The following FOXN1 variants were observed in gnomAD, a reference collection of about 807,000 sequenced individuals.
FOXN1 encodes forkhead box N1, also known as forkhead box protein N1.
A neutral mutation model predicts 49.0 loss-of-function variants in FOXN1; 15 were observed. The observed-to-expected ratio is 0.31, with a 90% CI of 0.20 to 0.47. FOXN1 has a LOEUF of 0.47. Ranked by LOEUF, FOXN1 falls within the 20% of genes least tolerant of loss-of-function variation. The pLI is 1.00. For missense variants in FOXN1, 800 were observed against 842.8 expected, an observed-to-expected ratio of 0.95 and a Z score of 0.63; for synonymous variants, 356 against 369.0, an observed-to-expected ratio of 0.96 and a Z score of 0.40.
chr17:28,510,586 A>G lies in FOXN1; in HGVS notation c.-15+4143A>G, dbSNP rs946736440. Among the ~76,000 whole-genome samples, 385 of 88,014 alleles carry G rather than the reference A, an allele frequency of 4.4e-3. 1 individual carries two copies. Among genetic ancestry groups the G allele is most frequent in the South Asian group, 0.011 (36 of 3,280 alleles). 57.7% of individuals were successfully genotyped at this position (88,014 alleles called of 152,430 possible). ...CACACACACGCACACACACGCACACACACACACACACACACACACACACAC... is the reference window on the plus strand; with the variant it reads ...CACACACACGCACACACACGCACACGCACACACACACACACACACACACAC... On this transcript the variant is annotated intron_variant, in intron 1 of 8. Coordinates refer to ENST00000579795, the MANE Select transcript of FOXN1 (RefSeq NM_001369369.1).
chr17:28,524,112 G>T lies in FOXN1; in HGVS notation c.123+20G>T. The stretch of plus-strand genomic sequence containing the variant: ...CAGAGTGTAAGTACCCGGCATCTGG[G>T]CCTGGGTTTAGGCCAAGGCCTGCGG... On this transcript the variant is annotated intron_variant, in intron 2 of 8. Coordinates refer to ENST00000579795, the MANE Select transcript of FOXN1 (RefSeq NM_001369369.1). 6.4e-7 allele frequency: 1 copy of T among 1,574,592 alleles called. No homozygotes were observed. The highest frequency in any genetic ancestry group is 1.3e-5 in the African/African-American group (1 of 74,162).
chr17:28,526,211 C>G (rs921908131), intron 3 of FOXN1, among the ~76,000 whole-genome samples: 6 of 152,226 alleles, frequency 3.9e-5, no homozygotes, highest in Non-Finnish European at 8.8e-5. Context: ...GGGCATATTG[C>G]TTCCCCTCTT....
At chr17:28,532,081 T>C (rs945489732) in intron 6 of FOXN1, among the ~76,000 whole-genome samples, 2 of 151,924 alleles carry the variant, frequency 1.3e-5, no homozygotes, top group Non-Finnish European at 2.9e-5. Flanking sequence ...TTTTGGAGGG[T>C]CTTCTAGGGT....
Position 28,524,970 on chromosome 17 carries a change from G to A in FOXN1, c.588+3G>A. On this transcript the variant is annotated splice_donor_region_variant and intron_variant, in intron 3 of 8. Coordinates refer to ENST00000579795, the MANE Select transcript of FOXN1 (RefSeq NM_001369369.1). ...AGGAGCATGGCCCCCAAGTCCTGGT[G>A]AGTACTAGTGGCCAGCGAGTGTCCC... The A allele has an allele frequency of 1.9e-6, 3 of 1,598,258 alleles. No individual in the cohort carries two copies. Among genetic ancestry groups the A allele is most frequent in the Non-Finnish European group, 2.6e-6 (3 of 1,170,354 alleles).
chr17:28,519,596 T>G (rs926720291), intron 1 of FOXN1, among the ~76,000 whole-genome samples: 1 of 152,076 alleles, frequency 6.6e-6, no homozygotes, highest in African/African-American at 2.4e-5. Context: ...CCAGTTCCAG[T>G]GCTCCCTGAA....
chr17:28,523,785 T>C (rs938161322), intron 1 of FOXN1, among the ~76,000 whole-genome samples, 171 bp from the exon 2 acceptor site: 3 of 131,288 alleles, frequency 2.3e-5, no homozygotes. Flanking sequence ...TCTCTCTCGC[T>C]CTCTGGTTCT....
chr17:28,534,189 G>A lies in FOXN1; in HGVS notation c.928-142G>A. On this transcript the variant is annotated intron_variant, in intron 6 of 8. Transcript: ENST00000579795. This position sits in a 1 kb window ranked among gnomAD's most constrained non-coding sequence, Gnocchi z 4.1. ...CCAAAGGGTACCAAGCAAGGGATGG[G>A]TGCTGAGGAGGACAACAAGCCCCAG... is the stretch of plus-strand genomic sequence containing the variant. The A allele has an allele frequency of 8.4e-7, 1 of 1,184,408 alleles. No homozygotes were observed. The allele number at this position is 1,184,408 out of a possible 1,614,324, so 73.4% of individuals were successfully genotyped here. A position where few individuals can be genotyped will look rare whatever the true frequency, so the allele number is the denominator to read the frequency against.
chr17:28,528,084 G>GC (rs970539983), intron 4 of FOXN1, among the ~76,000 whole-genome samples: 2 of 152,230 alleles, frequency 1.3e-5, no homozygotes, highest in African/African-American at 4.8e-5. Context: ...ACTGAGACAG[G>GC]CCCTGCCTGT....
At chr17:28,526,931 C>A (rs1162685565) in intron 3 of FOXN1, among the ~76,000 whole-genome samples, 1 of 152,144 alleles carries the variant, frequency 6.6e-6, no homozygotes, top group African/African-American at 2.4e-5. Flanking sequence ...AGGTCAGCAC[C>A]GTGCCTTTGT....
intron 1 of FOXN1, among the ~76,000 whole-genome samples, chr17:28,518,906 C>A (rs2069584218): frequency 6.6e-6 from 1 of 152,192 alleles, no homozygotes; most frequent in Non-Finnish European, 1.5e-5. Flanking sequence ...CCTTGCTCCC[C>A]TGACAGTGGT....
In FOXN1 at chr17:28,524,699, C is replaced by T. The variant is rs1276979504; in HGVS notation, c.320C>T (p.Ala107Val). The change falls in exon 3 of 9, where the codon GCC becomes GTC. Residue 107 changes from alanine (A) to valine (V), a missense_variant. Coordinates refer to ENST00000579795, the MANE Select transcript of FOXN1 (RefSeq NM_001369369.1). ...TATCCTGGCTTTGGCTTTGAGGAGGCCGCAGCAAGCAGCCCTGGGCGATTC... is the reference window on the plus strand; with the variant it reads ...TATCCTGGCTTTGGCTTTGAGGAGGTCGCAGCAAGCAGCCCTGGGCGATTC... Reference protein sequence around the residue: ...DKYPGFGFEEAAASSPGRFLK... With the variant: ...DKYPGFGFEEVAASSPGRFLK... 6.2e-7 allele frequency: 1 copy of T among 1,612,892 alleles called. No homozygotes were observed. The highest frequency in any genetic ancestry group is 1.7e-5 in the Admixed American group (1 of 59,862).
At chr17:28,524,449 C>T (rs2069715573) in intron 2 of FOXN1, 54 bp from the exon 3 acceptor site, 1 of 1,495,630 alleles carries the variant, frequency 6.7e-7, no homozygotes. Context: ...CCCAGCCAGT[C>T]CCCAGGCCTG....
At chr17:28,516,081 CCTCCACAGGGTACACAT>C (rs2069489714) in intron 1 of FOXN1, among the ~76,000 whole-genome samples, 1 of 150,716 alleles carries the variant, frequency 6.6e-6, no homozygotes. Context: ...AGGATCCATA[CCTCCACAGGGTACACAT>C]CTCCACAGGG....
At chr17:28,531,318 G>C (rs186864688) in intron 6 of FOXN1, among the ~76,000 whole-genome samples, 36 of 152,316 alleles carry the variant, frequency 2.4e-4, no homozygotes, top group Non-Finnish European at 4.4e-4. Flanking sequence ...TGGGTGGCAG[G>C]CTCAGCTGCA....
intron 5 of FOXN1, among the ~76,000 whole-genome samples, chr17:28,530,343 C>T (rs1206007978): frequency 6.6e-6 from 1 of 152,180 alleles, no homozygotes; most frequent in Admixed American, 6.5e-5. Context: ...CCCTACTCTC[C>T]AACATTCATG....
intron 1 of FOXN1, among the ~76,000 whole-genome samples, chr17:28,517,315 A>G (rs1223984035): frequency 7.1e-6 from 1 of 140,410 alleles, no homozygotes; most frequent in Admixed American, 7.1e-5. Flanking sequence ...TCCACAAGAT[A>G]CACACCTCCA....
At chr17:28,517,647 GACC>G in intron 1 of FOXN1, among the ~76,000 whole-genome samples, 1 of 14,918 alleles carries the variant, frequency 6.7e-5, no homozygotes, top group African/African-American at 4.3e-4. Context: ...ACAGGGTACA[GACC>G]TCCACAGGGT....
intron 1 of FOXN1, among the ~76,000 whole-genome samples, chr17:28,518,598 G>T (rs778985691): frequency 3.3e-5 from 5 of 152,238 alleles, no homozygotes; most frequent in Non-Finnish European, 7.3e-5. Context: ...CTCTACTCAA[G>T]TCAAAGGGCC....
intron 1 of FOXN1, among the ~76,000 whole-genome samples, chr17:28,507,730 C>T (rs1478182147): frequency 2.6e-5 from 4 of 152,204 alleles, no homozygotes; most frequent in Non-Finnish European, 4.4e-5. Flanking sequence ...CACTGCAGTC[C>T]TGTCCCCACC....
Sources: allele counts gnomAD v4.1 joint callset (sites outside exome capture counted in the v4.1 genomes callset), GRCh38; gene constraint gnomAD v4.1.1; non-coding constraint Gnocchi (gnomAD v3.1); transcripts MANE v1.5; gene names NCBI Gene and HGNC (gene_info 2026-07-23, HGNC 2026-07-21).